The following LAP3 variants were observed in gnomAD, a reference collection of about 807,000 sequenced individuals.
LAP3 encodes cytosol aminopeptidase.
LAP3 carries 46 observed loss-of-function variants against 58.8 expected under a neutral mutation model. The ratio of observed to expected loss-of-function variants is 0.78; its 90% CI spans 0.62 to 1.00. LAP3 has a LOEUF of 1.00. Ranked by LOEUF, LAP3 falls within the 50% of genes least tolerant of loss-of-function variation. The pLI, the probability that LAP3 is intolerant of heterozygous loss-of-function variation, is 0.00. For synonymous variants in LAP3, 257 were observed against 237.7 expected (o/e 1.08, Z -0.75); for missense variants, 615 against 659.1 (o/e 0.93, Z 0.73).
In LAP3 at chr4:17,578,163, G is replaced by T. The variant is rs573042856; in HGVS notation, c.102+596G>T. On this transcript the variant is annotated intron_variant, in intron 1 of 12. Transcript: ENST00000226299. ...ATGTGAAGGATCTGCAAAGGGAATG[G>T]CTCTCGGAACCAGCACAAGCTTGGG... 5.1e-4 allele frequency among the ~76,000 whole-genome samples: 77 copies of T among 152,302 alleles called. 1 individual carries two copies. The East Asian group carries it at 0.014, about 27-fold the overall frequency.
chr4:17,586,525 T>G (rs981141720), intron 6 of LAP3, among the ~76,000 whole-genome samples: 1 of 152,212 alleles, frequency 6.6e-6, no homozygotes, highest in Admixed American at 6.5e-5. Context: ...GCCCCTCTGG[T>G]GTGCCTGGAA....
In LAP3 at chr4:17,585,117, A is replaced by G. The variant is rs767183373; in HGVS notation, c.685A>G (p.Lys229Glu). 1.2e-6 allele frequency: 2 copies of G among 1,613,614 alleles called. No homozygotes were observed. Among genetic ancestry groups the G allele is most frequent in the South Asian group, 1.1e-5 (1 of 91,068 alleles). The change falls in exon 6 of 13, where the codon AAA (lysine) becomes GAA (glutamate). Residue 229 changes from lysine (K) to glutamate (E), a missense_variant. Transcript: ENST00000226299. ...IEKNLKSASS[K>E]TEVHIRPKSW... ...GAAGAATCTCAAAAGTGCTAGTAGT[A>G]AAACCGAGGTCCATATCAGGTAATT...
At chr4:17,580,074 T>G (rs1713310723) in intron 2 of LAP3, 135 bp downstream of exon 2, 5 of 471,340 alleles carry the variant, frequency 1.1e-5, no homozygotes, top group African/African-American at 2.2e-5. Flanking sequence ...CTTGACTCAC[T>G]TCAACCTCTG....
chr4:17,600,059 C>T (rs1713946101), intron 10 of LAP3, among the ~76,000 whole-genome samples: 1 of 152,148 alleles, frequency 6.6e-6, no homozygotes, highest in Non-Finnish European at 1.5e-5. Flanking sequence ...TGTCTTATTG[C>T]CAAATCCCAA....
At chr4:17,578,456 C>T (rs983763163) in intron 1 of LAP3, among the ~76,000 whole-genome samples, 1 of 152,114 alleles carries the variant, frequency 6.6e-6, no homozygotes, top group Admixed American at 6.6e-5. Flanking sequence ...TGGAAAAGAC[C>T]GAGAGGGCAC....
In LAP3 at chr4:17,598,500, G is replaced by C. The variant is rs764338311; in HGVS notation, c.1122G>C (p.Ala374=). ...AGGGGAGGCTCATACTGGCTGATGCGCTCTGTTACGCACACACGTTTAACC... is the reference window on the plus strand; with the variant it reads ...AGGGGAGGCTCATACTGGCTGATGCCCTCTGTTACGCACACACGTTTAACC... ...DAEGRLILAD[A]LCYAHTFNPK... is the part of the protein sequence containing the mutation. The change falls in exon 10 of 13, where the codon GCG becomes GCC. Residue 374 remains alanine, a synonymous_variant. Transcript: ENST00000226299. 6 of 1,613,982 alleles carry C rather than the reference G, an allele frequency of 3.7e-6. No individual in the cohort carries two copies. The African/African-American group carries it at 8.0e-5, about 22-fold the overall frequency.
chr4:17,583,380 AC>A, intron 4 of LAP3, 102 bp from the exon 5 acceptor site: 1 of 1,257,190 alleles, frequency 8.0e-7, no homozygotes, highest in East Asian at 2.3e-5. Flanking sequence ...TGGGATTTGA[AC>A]CCCAGGGCTG....
chr4:17,581,701 C>T lies in LAP3; in HGVS notation c.219-59C>T, dbSNP rs886207800. 11 of 1,358,664 alleles carry T rather than the reference C, an allele frequency of 8.1e-6. No individual in the cohort carries two copies. The African/African-American group carries it at 1.6e-4, about 19-fold the overall frequency. 84.2% of individuals were successfully genotyped at this position (1,358,664 alleles called of 1,614,324 possible). A position where few individuals can be genotyped will look rare whatever the true frequency, so the allele number is the denominator to read the frequency against. On this transcript the variant is annotated intron_variant, in intron 2 of 12. Transcript: ENST00000226299. ...GATAATGCCGAGTATGTAAGTGTGCCTTCCCAAGTGAACCGAGCAAAATAC... is the reference window on the plus strand; with the variant it reads ...GATAATGCCGAGTATGTAAGTGTGCTTTCCCAAGTGAACCGAGCAAAATAC...
At chr4:17,593,893 G>A (rs925591757) in intron 7 of LAP3, among the ~76,000 whole-genome samples, 4 of 152,206 alleles carry the variant, frequency 2.6e-5, no homozygotes, top group African/African-American at 4.8e-5. Context: ...GATTACAGGC[G>A]TGAGCCACCA....
At chr4:17,589,883 A>C (rs965005549) in intron 7 of LAP3, among the ~76,000 whole-genome samples, 1 of 152,186 alleles carries the variant, frequency 6.6e-6, no homozygotes, top group African/African-American at 2.4e-5. Context: ...CTTGCTTCAG[A>C]TGATTACTTC....
chr4:17,596,488 C>T (rs1367658651), intron 8 of LAP3, among the ~76,000 whole-genome samples: 2 of 152,004 alleles, frequency 1.3e-5, no homozygotes, highest in African/African-American at 2.4e-5. Context: ...TACAGGCATG[C>T]GCCACCATGC....
rs747355391 is a variant in LAP3 at position 17,579,882 on chromosome 4, G to A, written c.161G>A (p.Ser54Asn). 30 of 1,612,620 alleles carry A rather than the reference G, an allele frequency of 1.9e-5. No homozygotes were observed. In the South Asian group the frequency reaches 2.8e-4, roughly 15 times the overall value. ...GAAGATGATGTGCCACAGTTCACAA[G>A]TGCAGGAGAGAATTTTGATAAATTG... ...EKEDDVPQFT[S>N]AGENFDKLLA... Residue 54 changes from serine (S) to asparagine (N), a missense_variant, in exon 2 of 13, where the codon AGT (serine) becomes AAT (asparagine). By Grantham distance (46) the Ser-to-Asn change is conservative. Transcript: ENST00000226299.
chr4:17,583,549 A>G lies in LAP3; in HGVS notation c.446A>G (p.Gln149Arg). 1 of 1,614,168 alleles carries G rather than the reference A, an allele frequency of 6.2e-7. No individual in the cohort carries two copies. The highest frequency in any genetic ancestry group is 2.2e-5 in the East Asian group (1 of 44,882). The change falls in exon 5 of 13, where the codon CAG (glutamine) becomes CGG (arginine). Residue 149 changes from glutamine to arginine, a missense_variant. Coordinates refer to ENST00000226299, the MANE Select transcript of LAP3 (RefSeq NM_015907.3). Reference protein sequence around the residue: ...SVEVDPCGDAQAAAEGAVLGL... With the variant: ...SVEVDPCGDARAAAEGAVLGL... ...GAGGTGGATCCCTGTGGAGACGCTC[A>G]GGCTGCTGCGGAGGGAGCGGTGCTT...
At chr4:17,602,717 TCTCA>T (rs998373374) in intron 10 of LAP3, among the ~76,000 whole-genome samples, 2 of 151,896 alleles carry the variant, frequency 1.3e-5, no homozygotes, top group African/African-American at 4.8e-5. Flanking sequence ...TGAGACGGAG[TCTCA>T]CTCTGTTGCC....
chr4:17,601,586 G>A (rs149271513), intron 10 of LAP3, among the ~76,000 whole-genome samples: 2,445 of 152,166 alleles, frequency 0.016, 61 homozygotes, highest in African/African-American at 0.047. Context: ...CTCAGTATGC[G>A]TGGGGGATAG....
intron 8 of LAP3, 69 bp from the exon 9 acceptor site, chr4:17,596,977 C>T (rs1300280772): frequency 1.4e-6 from 2 of 1,467,770 alleles, no homozygotes; most frequent in Admixed American, 1.7e-5. Context: ...CACAGGTGGC[C>T]TCTTGTCCCA....
chr4:17,587,907 C>T (rs1210838813), intron 6 of LAP3, among the ~76,000 whole-genome samples: 1 of 150,336 alleles, frequency 6.7e-6, no homozygotes, highest in Non-Finnish European at 1.5e-5. Context: ...TTTTTCCAGT[C>T]ATTGGGATAT....
In LAP3 at chr4:17,597,463, T is replaced by G. The variant is rs138808250; in HGVS notation, c.1077+329T>G. 5.2e-3 allele frequency among the ~76,000 whole-genome samples: 788 copies of G among 152,226 alleles called. 9 individuals carry two copies. The highest frequency in any genetic ancestry group is 0.018 in the African/African-American group (741 of 41,532). On this transcript the variant is annotated intron_variant, in intron 9 of 12. Transcript: ENST00000226299. ...GGCTAGCTTTTTGTAGACACAGGGT[T>G]TTGCCATGTTTCCCAGGCTGGTCCC...
intron 1 of LAP3, among the ~76,000 whole-genome samples, chr4:17,579,277 T>C (rs1713288563): frequency 6.6e-6 from 1 of 152,210 alleles, no homozygotes. Flanking sequence ...AGGTCCATTT[T>C]GGTGTTGACT....
Sources: allele counts gnomAD v4.1 joint callset (sites outside exome capture counted in the v4.1 genomes callset), GRCh38; gene constraint gnomAD v4.1.1; transcripts MANE v1.5; gene names NCBI Gene and HGNC (gene_info 2026-07-23, HGNC 2026-07-21).